ANKRD13A: variants seen among roughly 807,000 people sequenced by gnomAD.
The protein encoded by ANKRD13A is ankyrin repeat domain-containing protein 13A.
In ANKRD13A, 48 loss-of-function variants were observed where a neutral mutation model predicts 81.3. That is an observed-to-expected ratio of 0.59 (90% confidence interval 0.47 to 0.75). The LOEUF (loss-of-function observed/expected upper bound fraction) is 0.75, where lower values mean the gene tolerates loss of function less well. Ranked by LOEUF, ANKRD13A falls within the 30% of genes least tolerant of loss-of-function variation. The probability of loss-of-function intolerance (pLI) is 0.00; values close to 1 mark genes in which losing one functional copy is unlikely to be tolerated. For synonymous variants in ANKRD13A, 230 were observed against 270.1 expected (o/e 0.85, Z 1.45); for missense variants, 612 against 734.0 (o/e 0.83, Z 1.92).
rs1892241965 is a variant in ANKRD13A, at chr12:110,039,404, C to G, written c.*1850C>G. ...TTCACTCTAAAAATGCAAATAAAGA[C>G]TGCTTCCTTAGAGGGTGCTCATACA... On this transcript the variant is annotated 3_prime_UTR_variant, in exon 15 of 15. Transcript: ENST00000261739. 6.6e-6 allele frequency: 1 copy of G among 152,238 alleles called. No individual in the cohort carries two copies. The highest frequency in any genetic ancestry group is 2.4e-5 in the African/African-American group (1 of 41,466). The allele number at this position is 152,238 out of a possible 1,614,324, so 9.4% of individuals were successfully genotyped here. A position where few individuals can be genotyped will look rare whatever the true frequency, so the allele number is the denominator to read the frequency against.
rs1406218905 is a variant in ANKRD13A at position 109,999,565 on chromosome 12, G to A, written c.-124G>A. 5.8e-6 allele frequency: 4 copies of A among 687,038 alleles called. No homozygotes were observed. Among genetic ancestry groups the A allele is most frequent in the Non-Finnish European group, 8.2e-6 (4 of 485,636 alleles). The allele number at this position is 687,038 out of a possible 1,614,324, so 42.6% of individuals were successfully genotyped here. ...CCGCACCCGACCGGCTCAGCCGGCC[G>A]GCAGCGTAACACGCCCTACGCTCGC... is the stretch of plus-strand genomic sequence containing the variant. On this transcript the variant is annotated 5_prime_UTR_variant, in exon 1 of 15. Coordinates refer to ENST00000261739, the MANE Select transcript of ANKRD13A (RefSeq NM_033121.2). The surrounding 1 kb of genome is among the most constrained non-coding windows in gnomAD (Gnocchi z 4.3).
Position 110,036,181 on chromosome 12 carries a change from T to C in ANKRD13A, c.1510-80T>C. ...CATGGAAAGACTTTTAATTTGGTTCTTGCTGCCATCGTTTCCTTACCAGAA... is the reference window on the plus strand; with the variant it reads ...CATGGAAAGACTTTTAATTTGGTTCCTGCTGCCATCGTTTCCTTACCAGAA... On this transcript the variant is annotated intron_variant, in intron 13 of 14. Transcript: ENST00000261739. This position sits in a 1 kb window ranked among gnomAD's most constrained non-coding sequence, Gnocchi z 4.6. 1 of 1,320,886 alleles carries C rather than the reference T, an allele frequency of 7.6e-7. No individual in the cohort carries two copies. Among genetic ancestry groups the C allele is most frequent in the Non-Finnish European group, 1.1e-6 (1 of 914,452 alleles). The allele number at this position is 1,320,886 out of a possible 1,614,324, so 81.8% of individuals were successfully genotyped here.
At chr12:110,025,892 G>T (rs1358511100) in intron 8 of ANKRD13A, 69 bp downstream of exon 8, 1 of 1,375,150 alleles carries the variant, frequency 7.3e-7, no homozygotes, top group East Asian at 2.3e-5. Context: ...ACTCTTTGTT[G>T]GCTCTGTTAA....
At chr12:110,011,783 T>TA (rs1462497557) in intron 1 of ANKRD13A, among the ~76,000 whole-genome samples, 2 of 152,336 alleles carry the variant, frequency 1.3e-5, no homozygotes, top group East Asian at 3.9e-4. Flanking sequence ...ATTAGGCACT[T>TA]AACTTTATAG....
At chr12:110,017,809 G>A (rs1242902497) in intron 4 of ANKRD13A, among the ~76,000 whole-genome samples, 3 of 152,120 alleles carry the variant, frequency 2.0e-5, no homozygotes, top group Non-Finnish European at 4.4e-5. Context: ...GTGGGTGCCT[G>A]TAATCCCAGC....
rs75403765 is a variant in ANKRD13A, at chr12:110,038,489, C to T, written c.*935C>T. 6.9e-3 allele frequency: 1,046 copies of T among 152,600 alleles called. 1 individual carries two copies. The highest frequency in any genetic ancestry group is 9.5e-3 in the Non-Finnish European group (643 of 68,020). 9.5% of individuals were successfully genotyped at this position (152,600 alleles called of 1,614,324 possible). ...TCCACGTAGACACCTAGGAAGAGCC[C>T]GCATGCCCTAGACTCACTCCAGAGG... On this transcript the variant is annotated 3_prime_UTR_variant, in exon 15 of 15. Coordinates refer to ENST00000261739, the MANE Select transcript of ANKRD13A (RefSeq NM_033121.2).
At chr12:110,007,662 G>A (rs1232181798) in intron 1 of ANKRD13A, among the ~76,000 whole-genome samples, 3 of 152,290 alleles carry the variant, frequency 2.0e-5, no homozygotes, top group African/African-American at 4.8e-5. Context: ...TTACAGGTGT[G>A]AGCCACCACA....
chr12:110,023,335 A>AT (rs1891167532), intron 6 of ANKRD13A, among the ~76,000 whole-genome samples: 1 of 152,126 alleles, frequency 6.6e-6, no homozygotes, highest in Non-Finnish European at 1.5e-5. Context: ...AATAACTGAG[A>AT]TTTTGGGCAT....
At chr12:110,019,519 T>G (rs1446509376) in intron 6 of ANKRD13A, among the ~76,000 whole-genome samples, 191 bp downstream of exon 6, 1 of 152,228 alleles carries the variant, frequency 6.6e-6, no homozygotes, top group African/African-American at 2.4e-5. Context: ...CCATCATTTT[T>G]ACAGTTAAGT....
At position 110,038,562 on chromosome 12, in the gene ANKRD13A, A is replaced by G. The variant is rs1289964797; in HGVS notation, c.*1008A>G. Reference sequence around the variant, plus strand: ...AGGGAGCTGAAAACCACGGAGCTCCATGGCTCTTCATTCAAAAGGGAAAAT... The same window carrying G: ...AGGGAGCTGAAAACCACGGAGCTCCGTGGCTCTTCATTCAAAAGGGAAAAT... On this transcript the variant is annotated 3_prime_UTR_variant, in exon 15 of 15. Coordinates refer to ENST00000261739, the MANE Select transcript of ANKRD13A (RefSeq NM_033121.2). The G allele has an allele frequency of 6.6e-6, 1 of 152,646 alleles. No individual in the cohort carries two copies. Among genetic ancestry groups the G allele is most frequent in the Non-Finnish European group, 1.5e-5 (1 of 68,032 alleles). The allele number at this position is 152,646 out of a possible 1,614,324, so 9.5% of individuals were successfully genotyped here.
intron 9 of ANKRD13A, chr12:110,028,077 C>T: frequency 2.8e-6 from 1 of 362,864 alleles, no homozygotes; most frequent in African/African-American, 2.1e-5. Context: ...CAACAGAGCA[C>T]CTTAACAAAT....
rs148046644 is a variant in ANKRD13A at position 110,038,128 on chromosome 12, G to C, written c.*574G>C. ...TCCATTCCTTCCACACCCAGCTAAA[G>C]TTAGAGGAGATACATATAGAATCTA... On this transcript the variant is annotated 3_prime_UTR_variant, in exon 15 of 15. Transcript: ENST00000261739. 1 of 152,760 alleles carries C rather than the reference G, an allele frequency of 6.5e-6. No homozygotes were observed. Among genetic ancestry groups the C allele is most frequent in the African/African-American group, 2.4e-5 (1 of 41,534 alleles). 9.5% of individuals were successfully genotyped at this position (152,760 alleles called of 1,614,324 possible). A position where few individuals can be genotyped will look rare whatever the true frequency, so the allele number is the denominator to read the frequency against.
intron 4 of ANKRD13A, among the ~76,000 whole-genome samples, chr12:110,017,435 T>C (rs1054824160): frequency 3.3e-5 from 5 of 152,236 alleles, no homozygotes; most frequent in Non-Finnish European, 7.3e-5. Flanking sequence ...CTTTCATTTC[T>C]TGTAGATAAA....
intron 3 of ANKRD13A, among the ~76,000 whole-genome samples, chr12:110,014,276 G>A (rs1425540839): frequency 6.6e-6 from 1 of 152,092 alleles, no homozygotes; most frequent in Admixed American, 6.5e-5. Flanking sequence ...GCCGGGTGTG[G>A]TGGCGGGCGC....
intron 1 of ANKRD13A, among the ~76,000 whole-genome samples, chr12:110,003,630 T>A (rs1890093920): frequency 6.6e-6 from 1 of 152,166 alleles, no homozygotes; most frequent in African/African-American, 2.4e-5. Context: ...ATGAAGCACT[T>A]CCTGCATGCC....
chr12:110,027,807 G>A, intron 9 of ANKRD13A, 41 bp downstream of exon 9: 1 of 1,601,900 alleles, frequency 6.2e-7, no homozygotes, highest in Non-Finnish European at 8.6e-7. Context: ...TTAGATGAAA[G>A]GAAACAACTT....
intron 12 of ANKRD13A, among the ~76,000 whole-genome samples, chr12:110,031,425 C>T (rs1174055742): frequency 2.6e-5 from 4 of 151,656 alleles, no homozygotes; most frequent in Non-Finnish European, 5.9e-5. Flanking sequence ...AATCTCTGCT[C>T]ACTGCAGCCT....
chr12:110,027,596 T>C (rs576231724), intron 8 of ANKRD13A, 109 bp from the exon 9 acceptor site: 1 of 984,712 alleles, frequency 1.0e-6, no homozygotes, highest in African/African-American at 1.6e-5. Context: ...CAGTCTGTAA[T>C]TGCATTTCCT....
At chr12:110,017,907 G>A (rs1475278717) in intron 4 of ANKRD13A, among the ~76,000 whole-genome samples, 2 of 151,936 alleles carry the variant, frequency 1.3e-5, no homozygotes, top group African/African-American at 2.4e-5. Context: ...ACTCCAGCCT[G>A]GGCGACAGGG....
Sources: gnomAD v4.1 joint callset for allele counts (sites outside exome capture counted in the v4.1 genomes callset) on GRCh38, gnomAD v4.1.1 for gene constraint, Gnocchi (gnomAD v3.1) non-coding constraint, MANE v1.5 for transcripts, NCBI Gene and HGNC (gene_info 2026-07-23, HGNC 2026-07-21) for gene names.